Variants in GRHL2 observed in about 807,000 individuals in gnomAD.
GRHL2 encodes grainyhead-like protein 2 homolog.
Under a neutral mutation model 83.8 loss-of-function variants are expected in GRHL2, and 21 were observed. That is an observed-to-expected ratio of 0.25 (90% confidence interval 0.18 to 0.36). GRHL2 has a LOEUF of 0.36. GRHL2 is among the 10% of genes least tolerant of loss of function. The pLI is 1.00. For synonymous variants in GRHL2, 280 were observed against 278.9 expected (o/e 1.00, Z -0.04); for missense variants, 623 against 781.8 (o/e 0.80, Z 2.42).
chr8:101,602,520 ATGTG>A (rs1156440012), intron 8 of GRHL2, among the ~76,000 whole-genome samples: 1 of 152,230 alleles, frequency 6.6e-6, no homozygotes, highest in Non-Finnish European at 1.5e-5. Context: ...GCATATATGT[ATGTG>A]TGTATTATGC....
chr8:101,627,482 T>A (rs986387122), intron 9 of GRHL2, among the ~76,000 whole-genome samples: 10 of 151,992 alleles, frequency 6.6e-5, no homozygotes, highest in African/African-American at 2.2e-4. Context: ...AACCAGCTGT[T>A]CCCTAGTCTC....
Position 101,666,820 on chromosome 8 carries a change from C to T in GRHL2, c.*117C>T. The T allele has an allele frequency of 1.4e-6, 1 of 735,136 alleles. No individual in the cohort carries two copies. Among genetic ancestry groups the T allele is most frequent in the Non-Finnish European group, 2.5e-6 (1 of 403,246 alleles). 45.5% of individuals were successfully genotyped at this position (735,136 alleles called of 1,614,324 possible). A position where few individuals can be genotyped will look rare whatever the true frequency, so the allele number is the denominator to read the frequency against. ...CTCCCCCATCTCACAACTGCTGTTACAAGACCGTGCTGGGGAGTGGGGCAA... is the reference window on the plus strand; with the variant it reads ...CTCCCCCATCTCACAACTGCTGTTATAAGACCGTGCTGGGGAGTGGGGCAA... On this transcript the variant is annotated 3_prime_UTR_variant, in exon 16 of 16. Transcript: ENST00000646743.
At position 101,573,538 on chromosome 8, in the gene GRHL2, A is replaced by G. The variant is rs1365648294; in HGVS notation, c.735-130A>G. On this transcript the variant is annotated intron_variant, in intron 5 of 15. Transcript: ENST00000646743. ...GATCTGGTCTCATCTCTTTTGCCAT[A>G]TGCTGTGTTTTGTCTCTAAAACAGT... The G allele has an allele frequency of 5.6e-6, 6 of 1,066,178 alleles. No individual in the cohort carries two copies. The African/African-American group carries it at 7.8e-5, about 14-fold the overall frequency. The allele number at this position is 1,066,178 out of a possible 1,614,324, so 66.0% of individuals were successfully genotyped here.
intron 1 of GRHL2, chr8:101,528,672 C>T (rs186130328): frequency 4.8e-6 from 1 of 207,980 alleles, no homozygotes; most frequent in Admixed American, 5.3e-5. Context: ...AGCAGGCAAT[C>T]CCATAGCGCG....
chr8:101,566,240 A>G (rs1811714960), intron 4 of GRHL2, among the ~76,000 whole-genome samples: 1 of 152,214 alleles, frequency 6.6e-6, no homozygotes, highest in Admixed American at 6.5e-5. Context: ...ATTCTCTGGG[A>G]TACACATTTT....
chr8:101,557,990 G>T (rs1004451690), intron 3 of GRHL2, among the ~76,000 whole-genome samples: 2 of 151,968 alleles, frequency 1.3e-5, no homozygotes, highest in Non-Finnish European at 2.9e-5. Flanking sequence ...TCAGCCTCCC[G>T]AGTAGCTGGG....
In GRHL2 at chr8:101,552,915, G is replaced by A; in HGVS notation, c.284+133G>A. On this transcript the variant is annotated intron_variant, in intron 3 of 15. Coordinates refer to ENST00000646743, the MANE Select transcript of GRHL2 (RefSeq NM_024915.4). Reference sequence around the variant, plus strand: ...ATCATCTATCTGTCTTTTGAGTCTGGACCAATGCTAGATCTCTCAATGAGG... The same window carrying A: ...ATCATCTATCTGTCTTTTGAGTCTGAACCAATGCTAGATCTCTCAATGAGG... The A allele has an allele frequency of 2.3e-6, 2 of 856,436 alleles. 1 individual carries two copies. Among genetic ancestry groups the A allele is most frequent in the Non-Finnish European group, 3.8e-6 (2 of 528,790 alleles). 53.1% of individuals were successfully genotyped at this position (856,436 alleles called of 1,614,324 possible).
intron 14 of GRHL2, among the ~76,000 whole-genome samples, chr8:101,650,942 C>A (rs1813610067): frequency 6.6e-6 from 1 of 152,054 alleles, no homozygotes; most frequent in Non-Finnish European, 1.5e-5. Flanking sequence ...CATCAAGGAC[C>A]TCCGTCTAAG....
At chr8:101,499,476 T>A (rs544052361) in intron 1 of GRHL2, among the ~76,000 whole-genome samples, 3 of 152,192 alleles carry the variant, frequency 2.0e-5, no homozygotes, top group Admixed American at 1.3e-4. Context: ...TGGTGAGAAC[T>A]GCACAGCTTC....
intron 7 of GRHL2, among the ~76,000 whole-genome samples, chr8:101,583,654 TA>T (rs557215596): frequency 5.3e-5 from 8 of 152,196 alleles, no homozygotes; most frequent in Non-Finnish European, 1.2e-4. Flanking sequence ...GTGAGCCATT[TA>T]AAAAATATTT....
chr8:101,681,124 T>C, the GRHL2 span, among the ~76,000 whole-genome samples: 2 of 149,288 alleles, frequency 1.3e-5, no homozygotes, highest in African/African-American at 2.5e-5. Flanking sequence ...TTCAAAAAAT[T>C]AATGAATCCA....
chr8:101,626,249 C>T (rs1284121273), intron 9 of GRHL2, among the ~76,000 whole-genome samples: 1 of 152,018 alleles, frequency 6.6e-6, no homozygotes, highest in Non-Finnish European at 1.5e-5. Context: ...AGTTCTCCAG[C>T]TTGATTTCTA....
intron 7 of GRHL2, among the ~76,000 whole-genome samples, chr8:101,580,310 A>T (rs1238857867): frequency 6.6e-6 from 1 of 152,238 alleles, no homozygotes; most frequent in Non-Finnish European, 1.5e-5. Flanking sequence ...TGTTCAGATT[A>T]TCTCAAATCT....
intron 1 of GRHL2, among the ~76,000 whole-genome samples, chr8:101,503,362 A>C (rs913577023): frequency 3.3e-5 from 5 of 152,248 alleles, no homozygotes; most frequent in African/African-American, 9.6e-5. Context: ...AAGCTGTATA[A>C]GTGGCTAATA....
chr8:101,509,089 C>T (rs928293893), intron 1 of GRHL2, among the ~76,000 whole-genome samples: 1 of 100,136 alleles, frequency 1.0e-5, no homozygotes, highest in Non-Finnish European at 1.9e-5. Context: ...GTTTGTTTTC[C>T]TTTCTTTCTT....
At chr8:101,521,363 TGTG>T (rs1426267720) in intron 1 of GRHL2, among the ~76,000 whole-genome samples, 2 of 152,172 alleles carry the variant, frequency 1.3e-5, no homozygotes, top group Admixed American at 6.5e-5. Context: ...TCCACACAAA[TGTG>T]GTGATAAATT....
chr8:101,565,812 G>A (rs1586101179), intron 4 of GRHL2, among the ~76,000 whole-genome samples: 1 of 152,090 alleles, frequency 6.6e-6, no homozygotes, highest in Non-Finnish European at 1.5e-5. Context: ...AGTGAACATC[G>A]GACAGCTCTA....
intron 2 of GRHL2, among the ~76,000 whole-genome samples, chr8:101,550,464 G>A (rs1054043562): frequency 6.6e-6 from 1 of 152,090 alleles, no homozygotes; most frequent in African/African-American, 2.4e-5. Flanking sequence ...TTCTGTTCCT[G>A]CATTTATTTG....
the GRHL2 span, among the ~76,000 whole-genome samples, chr8:101,678,410 C>G: frequency 2.6e-5 from 4 of 152,138 alleles, no homozygotes; most frequent in African/African-American, 4.8e-5. Context: ...GATTATATCC[C>G]GCACCTGGCT....
Sources: allele counts gnomAD v4.1 joint callset (sites outside exome capture counted in the v4.1 genomes callset), GRCh38; gene constraint gnomAD v4.1.1; transcripts MANE v1.5; gene names NCBI Gene and HGNC (gene_info 2026-07-23, HGNC 2026-07-21).